DOK5: variants seen among roughly 807,000 people sequenced by gnomAD.
DOK5 encodes docking protein 5, also known as downstream of tyrosine kinase 5.
A neutral mutation model predicts 43.3 loss-of-function variants in DOK5; 27 were observed. The ratio of observed to expected loss-of-function variants is 0.62; its 90% CI spans 0.46 to 0.86. DOK5 has a LOEUF of 0.86. Among genes scored for constraint, DOK5 ranks in the 40% least tolerant of loss-of-function variants. The pLI, the probability that DOK5 is intolerant of heterozygous loss-of-function variation, is 0.00. For missense variants in DOK5, 373 were observed against 392.9 expected (o/e 0.95, Z 0.43); for synonymous variants, 146 against 140.1 (o/e 1.04, Z -0.30).
At chr20:54,569,472 C>T (rs1230039431) in intron 2 of DOK5, among the ~76,000 whole-genome samples, 10 of 152,152 alleles carry the variant, frequency 6.6e-5, no homozygotes, top group Non-Finnish European at 1.2e-4. Flanking sequence ...CCAGTTTTTG[C>T]TAATACCAAT....
chr20:54,571,049 T>C (rs934454056), intron 2 of DOK5, among the ~76,000 whole-genome samples: 5 of 152,324 alleles, frequency 3.3e-5, no homozygotes, highest in Non-Finnish European at 7.4e-5. Flanking sequence ...TGGCAGTCCA[T>C]TTTTGGAAAT....
chr20:54,520,440 G>A (rs1418270729), intron 1 of DOK5, among the ~76,000 whole-genome samples: 1 of 151,942 alleles, frequency 6.6e-6, no homozygotes, highest in African/African-American at 2.4e-5. Context: ...TTTGATTGAG[G>A]TGATTTTTGA....
chr20:54,575,535 G>T lies in DOK5; in HGVS notation c.175-12948G>T, dbSNP rs532547097. On this transcript the variant is annotated intron_variant, in intron 2 of 7. Transcript: ENST00000262593. The stretch of plus-strand genomic sequence containing the variant: ...AGCTCACTGCAACCTCCACTTCCCA[G>T]GTTCAAGTGATTATCCTGCCTCAGC... Among the ~76,000 whole-genome samples, 4 of 152,266 alleles carry T rather than the reference G, an allele frequency of 2.6e-5. No homozygotes were observed. In the East Asian group the frequency reaches 7.7e-4, roughly 29 times the overall value.
At chr20:54,481,890 A>T (rs1227418263) in intron 1 of DOK5, among the ~76,000 whole-genome samples, 1 of 152,208 alleles carries the variant, frequency 6.6e-6, no homozygotes, top group East Asian at 1.9e-4. Context: ...GATCATAAAG[A>T]GCTTAACACA....
intron 2 of DOK5, among the ~76,000 whole-genome samples, chr20:54,558,935 T>C (rs1372117750): frequency 2.6e-5 from 4 of 152,148 alleles, no homozygotes; most frequent in Admixed American, 1.3e-4. Flanking sequence ...CCTGCAAAAA[T>C]TGGAAAATAA....
At chr20:54,564,174 A>C (rs1015608942) in intron 2 of DOK5, among the ~76,000 whole-genome samples, 5 of 152,204 alleles carry the variant, frequency 3.3e-5, no homozygotes, top group African/African-American at 1.2e-4. Flanking sequence ...CTGTAATCCC[A>C]GCACTTTGGG....
intron 2 of DOK5, among the ~76,000 whole-genome samples, chr20:54,584,006 C>T (rs891824528): frequency 1.7e-4 from 25 of 151,322 alleles, no homozygotes; most frequent in African/African-American, 5.1e-4. Flanking sequence ...AAAAATTAGT[C>T]GAGCACGGTG....
Position 54,587,844 on chromosome 20 carries a change from T to C in DOK5, c.175-639T>C, listed in dbSNP as rs1270309931. On this transcript the variant is annotated intron_variant, in intron 2 of 7. Coordinates refer to ENST00000262593, the MANE Select transcript of DOK5 (RefSeq NM_018431.5). The stretch of plus-strand genomic sequence containing the variant: ...CCTAAAACAGAGGCCCTGTAACCAC[T>C]GAGGAGCTAGGAGTAAGTTAGAGAC... Among the ~76,000 whole-genome samples, 10 of 152,238 alleles carry C rather than the reference T, an allele frequency of 6.6e-5. No homozygotes were observed. In the East Asian group the frequency reaches 1.7e-3, roughly 27 times the overall value.
At chr20:54,511,451 G>C (rs899429802) in intron 1 of DOK5, among the ~76,000 whole-genome samples, 1 of 152,198 alleles carries the variant, frequency 6.6e-6, no homozygotes, top group African/African-American at 2.4e-5. Context: ...AAGTAGAAAA[G>C]GTGGTAGATA....
intron 1 of DOK5, among the ~76,000 whole-genome samples, chr20:54,504,362 T>C (rs922825706): frequency 6.6e-5 from 10 of 152,144 alleles, no homozygotes; most frequent in African/African-American, 2.4e-4. Context: ...ATAAATACAA[T>C]GAAAATGAAG....
chr20:54,614,776 T>G (rs1450964516), intron 6 of DOK5, among the ~76,000 whole-genome samples: 1 of 152,208 alleles, frequency 6.6e-6, no homozygotes, highest in East Asian at 1.9e-4. Context: ...TCAACATGGA[T>G]CTGAATCTTA....
At chr20:54,603,287 G>A (rs1174545894) in intron 5 of DOK5, among the ~76,000 whole-genome samples, 1 of 152,174 alleles carries the variant, frequency 6.6e-6, no homozygotes, top group Non-Finnish European at 1.5e-5. Flanking sequence ...TAGCAGGTGG[G>A]CCAGATTCCC....
chr20:54,618,152 T>C (rs73913634), intron 6 of DOK5, among the ~76,000 whole-genome samples: 1,719 of 152,218 alleles, frequency 0.011, 27 homozygotes, highest in African/African-American at 0.04. Context: ...ATGATATAGA[T>C]GAGAAAAGGG....
intron 1 of DOK5, among the ~76,000 whole-genome samples, chr20:54,511,626 C>T (rs958656415): frequency 2.6e-5 from 4 of 152,124 alleles, no homozygotes; most frequent in Non-Finnish European, 4.4e-5. Flanking sequence ...GCAGAAAATT[C>T]GATCCAAACT....
rs113388009 is a variant in DOK5, at chr20:54,563,464, C to G, written c.174+8424C>G. Among the ~76,000 whole-genome samples, 1,026 of 152,226 alleles carry G rather than the reference C, an allele frequency of 6.7e-3. 13 individuals carry two copies. Among genetic ancestry groups the G allele is most frequent in the African/African-American group, 0.024 (995 of 41,532 alleles). ...GCTCATTTATGTAATCTCATCAACT[C>G]TTTCTTCTTCCTTACAAATTGTGAC... On this transcript the variant is annotated intron_variant, in intron 2 of 7. Transcript: ENST00000262593.
chr20:54,485,318 A>G (rs1600652984), intron 1 of DOK5, among the ~76,000 whole-genome samples: 3 of 149,194 alleles, frequency 2.0e-5, no homozygotes, highest in Non-Finnish European at 1.5e-5. Context: ...GTGCCATTGC[A>G]CTCCAGCCTG....
chr20:54,503,961 C>T (rs1477212881), intron 1 of DOK5, among the ~76,000 whole-genome samples: 1 of 152,116 alleles, frequency 6.6e-6, no homozygotes, highest in East Asian at 1.9e-4. Context: ...GGTGCTTGGC[C>T]GAGGTTTCTG....
At chr20:54,525,760 G>A (rs1003567579) in intron 1 of DOK5, among the ~76,000 whole-genome samples, 21 of 152,012 alleles carry the variant, frequency 1.4e-4, no homozygotes, top group Non-Finnish European at 2.8e-4. Context: ...CAATTTTTAC[G>A]ATGAAAAAAT....
chr20:54,568,902 A>T (rs1428538204), intron 2 of DOK5, among the ~76,000 whole-genome samples: 1 of 151,146 alleles, frequency 6.6e-6, no homozygotes, highest in Non-Finnish European at 1.5e-5. Context: ...ACTGCACTCC[A>T]GCCTGGGCGA....
Sources: allele counts gnomAD v4.1 joint callset (sites outside exome capture counted in the v4.1 genomes callset), GRCh38; gene constraint gnomAD v4.1.1; transcripts MANE v1.5; gene names NCBI Gene and HGNC (gene_info 2026-07-23, HGNC 2026-07-21).